RAD54L2: variants seen among roughly 807,000 people sequenced by gnomAD.
The protein encoded by RAD54L2 is helicase ARIP4.
In RAD54L2, 27 loss-of-function variants were observed where a neutral mutation model predicts 138.4. The observed-to-expected ratio is 0.20, with a 90% CI of 0.14 to 0.27. The LOEUF is 0.27. Ranked by LOEUF, RAD54L2 falls within the 10% of genes least tolerant of loss-of-function variation. The pLI is 1.00. For synonymous variants in RAD54L2, 644 were observed against 723.2 expected, an observed-to-expected ratio of 0.89 and a Z score of 1.76; for missense variants, 1,396 against 1,890.2, an observed-to-expected ratio of 0.74 and a Z score of 4.85.
rs1171248738 is a variant in RAD54L2 at position 51,662,456 on chromosome 3, G to A, written c.3440G>A (p.Ser1147Asn). 6 of 1,543,158 alleles carry A rather than the reference G, an allele frequency of 3.9e-6. No homozygotes were observed. In the South Asian group the frequency reaches 7.4e-5, roughly 19 times the overall value. ...CAGGGACCTTCTTGCGAGTCCACAA[G>A]CAACGGCAGACACAGTGCCTCATCA... ...GSQGPSCEST[S>N]NGRHSASSPK... The change falls in exon 23 of 23, where the codon AGC becomes AAC. Residue 1147 changes from serine to asparagine, a missense_variant. Physicochemically the swap from Ser to Asn is conservative, Grantham distance 46 (BLOSUM62 1). This residue lies in a region of RAD54L2 where 634 missense variants were observed against 711.2 expected (regional missense o/e 0.89). Coordinates refer to ENST00000684192, the MANE Select transcript of RAD54L2 (RefSeq NM_015106.4). The surrounding 1 kb of genome is among the most constrained non-coding windows in gnomAD (Gnocchi z 4.6).
At chr3:51,627,305 G>T (rs903670025) in intron 3 of RAD54L2, among the ~76,000 whole-genome samples, 6 of 152,136 alleles carry the variant, frequency 3.9e-5, no homozygotes, top group African/African-American at 9.7e-5. Flanking sequence ...ATTTGTTGTG[G>T]GCTTACTCTG....
chr3:51,551,029 A>G (rs978326103), intron 2 of RAD54L2, among the ~76,000 whole-genome samples: 3 of 152,146 alleles, frequency 2.0e-5, no homozygotes, highest in South Asian at 4.1e-4. Context: ...CCTAGGTGAT[A>G]GTCATACTAA....
At position 51,630,874 on chromosome 3, in the gene RAD54L2, A is replaced by G. The variant is rs1247926598; in HGVS notation, c.768A>G (p.Pro256=). ...TCCTTGTCAACCTAAACCACCCTCC[A>G]GAGGAGGAAAATGTCTTCCTTGCCC... is the stretch of plus-strand genomic sequence containing the variant. The part of the protein sequence containing the change: ...GRVLVNLNHP[P]EEENVFLAPQ... The change falls in exon 7 of 23, where the codon CCA becomes CCG. Residue 256 remains proline, a synonymous_variant. Transcript: ENST00000684192. The G allele has an allele frequency of 1.2e-6, 2 of 1,614,016 alleles. No individual in the cohort carries two copies. The highest frequency in any genetic ancestry group is 1.7e-4 in the Middle Eastern group (1 of 6,034).
chr3:51,578,323 A>G (rs983419834), intron 2 of RAD54L2, among the ~76,000 whole-genome samples: 14 of 152,186 alleles, frequency 9.2e-5, no homozygotes, highest in Admixed American at 2.6e-4. Context: ...ATTCTAGGGA[A>G]CAATGCTGCT....
At chr3:51,586,429 T>C (rs1334680272) in intron 2 of RAD54L2, among the ~76,000 whole-genome samples, 1 of 151,354 alleles carries the variant, frequency 6.6e-6, no homozygotes, top group Non-Finnish European at 1.5e-5. Flanking sequence ...TTTGTTGCCT[T>C]TGTTTTTTTT....
chr3:51,659,508 A>C (rs1160908262), intron 21 of RAD54L2, among the ~76,000 whole-genome samples: 1 of 152,178 alleles, frequency 6.6e-6, no homozygotes, highest in Non-Finnish European at 1.5e-5. Flanking sequence ...GGCTGAAGAG[A>C]AGATAGATTA....
Position 51,630,942 on chromosome 3 carries a change from C to G in RAD54L2, c.825+11C>G, listed in dbSNP as rs768695465. 5 of 1,594,900 alleles carry G rather than the reference C, an allele frequency of 3.1e-6. No individual in the cohort carries two copies. Among genetic ancestry groups the G allele is most frequent in the Non-Finnish European group, 3.4e-6 (4 of 1,164,002 alleles). On this transcript the variant is annotated intron_variant, in intron 7 of 22. Transcript: ENST00000684192. ...GTGAAACCTCATCAGGTACAGCAAA[C>G]CTTGACTGTTTTCTCCTTTTCCTTT... is the stretch of plus-strand genomic sequence containing the variant.
chr3:51,546,090 C>T (rs1157273681), intron 2 of RAD54L2, among the ~76,000 whole-genome samples: 1 of 151,496 alleles, frequency 6.6e-6, no homozygotes, highest in African/African-American at 2.4e-5. Flanking sequence ...AGGTATGTGC[C>T]ACCGCACCTG....
intron 19 of RAD54L2, 98 bp from the exon 20 acceptor site, chr3:51,655,873 G>A (rs1701585132): frequency 7.0e-6 from 7 of 1,004,602 alleles, no homozygotes; most frequent in Non-Finnish European, 1.0e-5. Flanking sequence ...ATCAACTGAT[G>A]GTGTAGAATG....
chr3:51,609,698 T>TTGTGTGCG (rs1553683775), intron 3 of RAD54L2, among the ~76,000 whole-genome samples: 1 of 141,080 alleles, frequency 7.1e-6, no homozygotes, highest in Non-Finnish European at 1.5e-5. Context: ...TTGTGGGCAT[T>TTGTGTGCG]TGTGTGTGTG....
intron 3 of RAD54L2, among the ~76,000 whole-genome samples, chr3:51,614,217 A>G (rs2106765582): frequency 6.6e-6 from 1 of 151,854 alleles, no homozygotes; most frequent in East Asian, 1.9e-4. Context: ...GCTAGAGGGC[A>G]GTGGAATGAT....
chr3:51,612,445 G>C (rs1180071499), intron 3 of RAD54L2, among the ~76,000 whole-genome samples: 1 of 152,150 alleles, frequency 6.6e-6, no homozygotes, highest in Non-Finnish European at 1.5e-5. Context: ...CTGGGTGACA[G>C]AGCAAGACTC....
At chr3:51,649,346 G>A (rs1216234564) in intron 19 of RAD54L2, among the ~76,000 whole-genome samples, 1 of 152,188 alleles carries the variant, frequency 6.6e-6, no homozygotes, top group Non-Finnish European at 1.5e-5. Context: ...GAAAGTGACA[G>A]AATGGAACCA....
At chr3:51,592,425 A>G (rs933089237) in intron 3 of RAD54L2, among the ~76,000 whole-genome samples, 9 of 151,926 alleles carry the variant, frequency 5.9e-5, no homozygotes, top group African/African-American at 2.2e-4. Context: ...GTGATAAACA[A>G]ACGTTCCATT....
intron 3 of RAD54L2, among the ~76,000 whole-genome samples, chr3:51,624,494 A>C (rs1426063818): frequency 6.6e-6 from 1 of 152,108 alleles, no homozygotes; most frequent in African/African-American, 2.4e-5. Context: ...TCCTGGGCTC[A>C]AGCAATTCCC....
chr3:51,646,453 A>G lies in RAD54L2; in HGVS notation c.2998A>G (p.Ser1000Gly), dbSNP rs1478821841. Residue 1000 changes from serine to glycine, a missense_variant, in exon 19 of 23, where the codon AGC becomes GGC. Transcript: ENST00000684192. ...CCCTGCCAGCGATCAGAGCCTGACC[A>G]GCATCCCCGCCTTCAGCCAGAGAAA... ...YYPASDQSLT[S>G]IPAFSQRNWQ... 2 of 1,611,002 alleles carry G rather than the reference A, an allele frequency of 1.2e-6. No individual in the cohort carries two copies.
At chr3:51,623,427 G>C (rs1356114878) in intron 3 of RAD54L2, among the ~76,000 whole-genome samples, 1 of 152,170 alleles carries the variant, frequency 6.6e-6, no homozygotes, top group Admixed American at 6.5e-5. Context: ...GAATTCCACG[G>C]AGTTAGGCAG....
chr3:51,663,630 C>A lies in RAD54L2; in HGVS notation c.*210C>A. The A allele has an allele frequency of 1.8e-6, 1 of 542,120 alleles. No individual in the cohort carries two copies. The allele number at this position is 542,120 out of a possible 1,614,324, so 33.6% of individuals were successfully genotyped here. ...AAAAAAAAAAAAAAGTCCAACACAG[C>A]AGCAATAGCGGGAAATCAGGGACCC... On this transcript the variant is annotated 3_prime_UTR_variant, in exon 23 of 23. Transcript: ENST00000684192.
At chr3:51,584,893 C>A (rs915620413) in intron 2 of RAD54L2, among the ~76,000 whole-genome samples, 2 of 151,770 alleles carry the variant, frequency 1.3e-5, no homozygotes, top group Admixed American at 1.3e-4. Flanking sequence ...GCAGCCTTAA[C>A]CTCCCGGGCT....
Sources: allele counts gnomAD v4.1 joint callset (sites outside exome capture counted in the v4.1 genomes callset), GRCh38; gene constraint gnomAD v4.1.1; regional missense constraint gnomAD v4.1.1; non-coding constraint Gnocchi (gnomAD v3.1); transcripts MANE v1.5; gene names NCBI Gene and HGNC (gene_info 2026-07-23, HGNC 2026-07-21).